The following MTA1 variants were observed in gnomAD, a reference collection of about 807,000 sequenced individuals.
MTA1 encodes metastasis associated 1, also known as metastasis-associated protein MTA1.
A neutral mutation model predicts 97.0 loss-of-function variants in MTA1; 15 were observed. The ratio of observed to expected loss-of-function variants is 0.15; its 90% CI spans 0.10 to 0.24. The LOEUF (loss-of-function observed/expected upper bound fraction) is 0.24. MTA1 is among the 10% of genes least tolerant of loss of function. MTA1 has a pLI of 1.00. For synonymous variants in MTA1, 435 were observed against 417.5 expected (o/e 1.04, Z -0.51); for missense variants, 709 against 1,015.1 (o/e 0.70, Z 4.10).
At chr14:105,460,647 G>T in intron 9 of MTA1, 118 bp from the exon 10 acceptor site, 1 of 1,267,140 alleles carries the variant, frequency 7.9e-7, no homozygotes, top group South Asian at 1.5e-5. Context: ...GGTGCAGGGA[G>T]GGTTGTGCTG....
Position 105,463,964 on chromosome 14 carries a change from G to A in MTA1, c.1077-68G>A. 6.6e-7 allele frequency: 1 copy of A among 1,508,504 alleles called. No homozygotes were observed. The highest frequency in any genetic ancestry group is 9.2e-7 in the Non-Finnish European group (1 of 1,086,598). 93.4% of individuals were successfully genotyped at this position (1,508,504 alleles called of 1,614,324 possible). On this transcript the variant is annotated intron_variant, in intron 12 of 20. Coordinates refer to ENST00000331320, the MANE Select transcript of MTA1 (RefSeq NM_004689.4). The surrounding 1 kb of genome is among the most constrained non-coding windows in gnomAD (Gnocchi z 5.9). ...CAAGGGGTGGTCAGCCGCGGTGCCT[G>A]CTGGGCACATGGGCCCTCGAGGTTT...
chr14:105,450,911 G>C (rs186449167), intron 6 of MTA1, among the ~76,000 whole-genome samples: 1 of 152,236 alleles, frequency 6.6e-6, no homozygotes, highest in African/African-American at 2.4e-5. Flanking sequence ...TCCAGCGAAC[G>C]GGAGGGTTGG....
intron 2 of MTA1, 35 bp downstream of exon 2, chr14:105,438,774 A>T: frequency 1.3e-6 from 2 of 1,558,148 alleles, no homozygotes; most frequent in East Asian, 2.3e-5. Context: ...GCAGGGGGGT[A>T]GTGGGTGGGG....
intron 10 of MTA1, 38 bp downstream of exon 10, chr14:105,460,991 A>G (rs2141655786): frequency 1.9e-6 from 3 of 1,582,338 alleles, no homozygotes; most frequent in Non-Finnish European, 2.6e-6. Context: ...GTGGCTGGCC[A>G]TGCCCATCTC....
intron 13 of MTA1, 28 bp from the exon 14 acceptor site, chr14:105,464,388 C>A: frequency 1.2e-6 from 2 of 1,608,262 alleles, no homozygotes; most frequent in Non-Finnish European, 1.7e-6. Flanking sequence ...CTTAAGAATC[C>A]GTCTATTTCC....
rs1034555929 is a variant in MTA1 at position 105,422,693 on chromosome 14, C to T, written c.28+2630C>T. Among the ~76,000 whole-genome samples, 2 of 152,190 alleles carry T rather than the reference C, an allele frequency of 1.3e-5. No individual in the cohort carries two copies. Among genetic ancestry groups the T allele is most frequent in the Admixed American group, 1.3e-4 (2 of 15,288 alleles). ...TGACATTCACAGTTATCTGGGCAAC[C>T]CGTATTTTAGCTGGCAGGCTACTCC... On this transcript the variant is annotated intron_variant, in intron 1 of 20. Transcript: ENST00000331320. This position sits in a 1 kb window ranked among gnomAD's most constrained non-coding sequence, Gnocchi z 4.3.
chr14:105,427,208 G>A (rs913405220), intron 1 of MTA1, among the ~76,000 whole-genome samples: 5 of 152,208 alleles, frequency 3.3e-5, no homozygotes, highest in Non-Finnish European at 5.9e-5. Flanking sequence ...AGTCATTTGC[G>A]GGCACGCACA....
At chr14:105,443,981 A>G (rs1234188869) in intron 2 of MTA1, among the ~76,000 whole-genome samples, 2 of 152,018 alleles carry the variant, frequency 1.3e-5, no homozygotes, top group African/African-American at 4.8e-5. Flanking sequence ...CCAGCTACTC[A>G]GGAGGCTGAG....
At chr14:105,447,604 G>A (rs587654423) in intron 3 of MTA1, among the ~76,000 whole-genome samples, 34 of 152,246 alleles carry the variant, frequency 2.2e-4, no homozygotes, top group African/African-American at 7.7e-4. Flanking sequence ...GTCCCAGCTC[G>A]AGCACTGGCC....
In MTA1 at chr14:105,422,878, GGGCAGCGGAT is replaced by G. The variant is rs1555421315; in HGVS notation, c.28+2819_28+2828del. Among the ~76,000 whole-genome samples the G allele has an allele frequency of 6.6e-6, 1 of 152,210 alleles. No homozygotes were observed. The highest frequency in any genetic ancestry group is 2.4e-5 in the African/African-American group (1 of 41,468). On this transcript the variant is annotated intron_variant, in intron 1 of 20. Transcript: ENST00000331320. The surrounding 1 kb of genome is among the most constrained non-coding windows in gnomAD (Gnocchi z 4.3). ...AGAGGCCTTCTGTCTGTGCCTGTGA[GGGCAGCGGAT>G]GGCCTGGGCAAGGGTGGCGGGGTCA...
chr14:105,454,469 T>G (rs1242873425), intron 7 of MTA1, among the ~76,000 whole-genome samples, 159 bp downstream of exon 7: 1 of 152,160 alleles, frequency 6.6e-6, no homozygotes, highest in Non-Finnish European at 1.5e-5. Context: ...GGGTGATGCG[T>G]GTAGGCTGGT....
chr14:105,451,999 C>T (rs782435467), intron 6 of MTA1, among the ~76,000 whole-genome samples: 15 of 152,084 alleles, frequency 9.9e-5, no homozygotes. Flanking sequence ...ACCATGTTAG[C>T]CGGGCTGGTC....
At chr14:105,462,430 A>G (rs1352769966) in intron 10 of MTA1, among the ~76,000 whole-genome samples, 18 of 151,938 alleles carry the variant, frequency 1.2e-4, no homozygotes, top group African/African-American at 4.1e-4. Flanking sequence ...TTAGTCGGGC[A>G]TGGTGGCAGG....
intron 1 of MTA1, among the ~76,000 whole-genome samples, chr14:105,432,935 G>T (rs1451333929): frequency 6.6e-6 from 1 of 152,134 alleles, no homozygotes; most frequent in African/African-American, 2.4e-5. Flanking sequence ...AATCCACTCA[G>T]CTGTGTGTTA....
intron 7 of MTA1, among the ~76,000 whole-genome samples, chr14:105,456,388 C>A (rs782462704): frequency 5.3e-5 from 8 of 152,186 alleles, no homozygotes; most frequent in Admixed American, 1.3e-4. Flanking sequence ...AGAGACCTGG[C>A]GGAGCTCTGC....
At chr14:105,457,122 G>A (rs1211338217) in intron 7 of MTA1, among the ~76,000 whole-genome samples, 1 of 152,226 alleles carries the variant, frequency 6.6e-6, no homozygotes, top group African/African-American at 2.4e-5. Context: ...TGCTGCCCAG[G>A]GCTGGAGGGG....
intron 6 of MTA1, among the ~76,000 whole-genome samples, chr14:105,452,957 G>C (rs746410140): frequency 2.6e-5 from 4 of 152,248 alleles, no homozygotes; most frequent in Non-Finnish European, 2.9e-5. Context: ...GTGATTGGAC[G>C]CCAGGCACAC....
rs186892520 is a variant in MTA1 at position 105,422,699 on chromosome 14, T to G, written c.28+2636T>G. Among the ~76,000 whole-genome samples, 27 of 152,190 alleles carry G rather than the reference T, an allele frequency of 1.8e-4. 1 individual carries two copies. Among genetic ancestry groups the G allele is most frequent in the African/African-American group, 6.3e-4 (26 of 41,448 alleles). ...TCACAGTTATCTGGGCAACCCGTAT[T>G]TTAGCTGGCAGGCTACTCCGAGGCC... On this transcript the variant is annotated intron_variant, in intron 1 of 20. Coordinates refer to ENST00000331320, the MANE Select transcript of MTA1 (RefSeq NM_004689.4). This position sits in a 1 kb window ranked among gnomAD's most constrained non-coding sequence, Gnocchi z 4.3.
intron 1 of MTA1, among the ~76,000 whole-genome samples, chr14:105,429,389 G>A (rs1400890023): frequency 6.8e-6 from 1 of 147,208 alleles, no homozygotes; most frequent in Non-Finnish European, 1.5e-5. Flanking sequence ...GGGTTCAAGC[G>A]ATTCTCCTGC....
Sources: gnomAD v4.1 joint callset for allele counts (sites outside exome capture counted in the v4.1 genomes callset) on GRCh38, gnomAD v4.1.1 for gene constraint, Gnocchi (gnomAD v3.1) non-coding constraint, MANE v1.5 for transcripts, NCBI Gene and HGNC (gene_info 2026-07-23, HGNC 2026-07-21) for gene names.